Variants in KCMF1 observed in about 807,000 individuals in gnomAD.
KCMF1 encodes the protein E3 ubiquitin-protein ligase KCMF1.
In KCMF1, 3 loss-of-function variants were observed where a neutral mutation model predicts 41.1. The observed-to-expected ratio is 0.07, with a 90% CI of 0.03 to 0.19. The LOEUF (loss-of-function observed/expected upper bound fraction) is 0.19, where lower values mean the gene tolerates loss of function less well. KCMF1 is among the 10% of genes least tolerant of loss of function. The pLI is 1.00. For synonymous variants in KCMF1, 142 were observed against 164.5 expected, an observed-to-expected ratio of 0.86 and a Z score of 1.04; for missense variants, 286 against 488.9, an observed-to-expected ratio of 0.58 and a Z score of 3.91.
chr2:85,037,337 A>G (rs971874197), intron 3 of KCMF1, among the ~76,000 whole-genome samples: 1 of 152,206 alleles, frequency 6.6e-6, no homozygotes, highest in Non-Finnish European at 1.5e-5. Context: ...TCTTTAATAT[A>G]AAAGTACAGG....
Position 84,992,502 on chromosome 2 carries a change from G to A in KCMF1, c.16+21035G>A, listed in dbSNP as rs527436939. Among the ~76,000 whole-genome samples the A allele has an allele frequency of 8.5e-5, 13 of 152,154 alleles. No homozygotes were observed. In the East Asian group the frequency reaches 9.7e-4, roughly 11 times the overall value. Reference sequence around the variant, plus strand: ...AACTCCTGACCTCAGGTGAGCCACCGCGCCTGGCCCGTTTTGGCTCTTAGT... The same window carrying A: ...AACTCCTGACCTCAGGTGAGCCACCACGCCTGGCCCGTTTTGGCTCTTAGT... On this transcript the variant is annotated intron_variant, in intron 1 of 6. Coordinates refer to ENST00000409785, the MANE Select transcript of KCMF1 (RefSeq NM_020122.5).
In KCMF1 at chr2:85,056,143, C is replaced by CT. The variant is rs1321851860; in HGVS notation, c.*2735dup. 1 of 151,662 alleles carries CT rather than the reference C, an allele frequency of 6.6e-6. No individual in the cohort carries two copies. 9.4% of individuals were successfully genotyped at this position (151,662 alleles called of 1,614,324 possible). On this transcript the variant is annotated 3_prime_UTR_variant, in exon 7 of 7. Coordinates refer to ENST00000409785, the MANE Select transcript of KCMF1 (RefSeq NM_020122.5). ...AAAAAAAAATCCACAGAAGTAGAACCTAGGTTTGCTACTAACAAAGTAGTG... is the reference window on the plus strand; with the variant it reads ...AAAAAAAAATCCACAGAAGTAGAACCTTAGGTTTGCTACTAACAAAGTAGTG...
chr2:84,971,572 AGCCCGAGCCGG>A (rs1165308283), intron 1 of KCMF1, 105 bp downstream of exon 1: 4 of 565,290 alleles, frequency 7.1e-6, no homozygotes, highest in Middle Eastern at 7.1e-4. Flanking sequence ...ACTTTGGCCG[AGCCCGAGCCGG>A]GCCCGAGGCG....
At chr2:84,972,521 G>C (rs1411549794) in intron 1 of KCMF1, among the ~76,000 whole-genome samples, 1 of 152,200 alleles carries the variant, frequency 6.6e-6, no homozygotes, top group Non-Finnish European at 1.5e-5. Flanking sequence ...CGAAAAGTTT[G>C]TCCTGCTAAG....
chr2:85,016,988 T>G (rs1453998555), intron 1 of KCMF1, among the ~76,000 whole-genome samples: 2 of 151,498 alleles, frequency 1.3e-5, no homozygotes, highest in Non-Finnish European at 1.5e-5. Context: ...TTTACTTGCT[T>G]TTGTATTCAT....
At chr2:85,042,827 C>T (rs143165762) in intron 3 of KCMF1, among the ~76,000 whole-genome samples, 2,330 of 152,198 alleles carry the variant, frequency 0.015, 29 homozygotes, top group South Asian at 0.063. Flanking sequence ...TAGAAACCAC[C>T]TTCCCAACCT....
chr2:85,029,364 C>T (rs1675205738), intron 2 of KCMF1, among the ~76,000 whole-genome samples: 1 of 152,084 alleles, frequency 6.6e-6, no homozygotes, highest in Non-Finnish European at 1.5e-5. Flanking sequence ...GGTCAGATCA[C>T]TTGAGCCCAG....
chr2:84,981,566 A>C (rs750648665), intron 1 of KCMF1, among the ~76,000 whole-genome samples: 1 of 152,014 alleles, frequency 6.6e-6, no homozygotes, highest in Non-Finnish European at 1.5e-5. Flanking sequence ...AACTTTTTCT[A>C]CAGTAAGAGG....
In KCMF1 at chr2:85,011,494, C is replaced by T. The variant is rs76390451; in HGVS notation, c.17-16395C>T. On this transcript the variant is annotated intron_variant, in intron 1 of 6. Coordinates refer to ENST00000409785, the MANE Select transcript of KCMF1 (RefSeq NM_020122.5). ...TTATTGGACAGTACAGATGTAAAAC[C>T]ATCATTGCAAAAAAGGAAAAACTTG... 3.1e-3 allele frequency among the ~76,000 whole-genome samples: 476 copies of T among 152,188 alleles called. 6 individuals carry two copies. Among genetic ancestry groups the T allele is most frequent in the African/African-American group, 0.011 (448 of 41,538 alleles).
chr2:85,023,823 C>T (rs895807986), intron 1 of KCMF1, among the ~76,000 whole-genome samples: 2 of 152,196 alleles, frequency 1.3e-5, no homozygotes, highest in Non-Finnish European at 2.9e-5. Flanking sequence ...ACACTCCTAC[C>T]AGCAGGGTAT....
At chr2:84,993,632 A>G (rs112569602) in intron 1 of KCMF1, among the ~76,000 whole-genome samples, 2,672 of 150,142 alleles carry the variant, frequency 0.018, 63 homozygotes, top group African/African-American at 0.062. Context: ...CTGGAGTGCA[A>G]TGGTGCAGTC....
intron 1 of KCMF1, among the ~76,000 whole-genome samples, chr2:85,000,880 G>A (rs1356803100): frequency 2.0e-5 from 3 of 150,702 alleles, no homozygotes. Context: ...CTGGGCTCAA[G>A]CAATCCTCCC....
At chr2:85,053,118 A>T in intron 6 of KCMF1, 30 bp from the exon 7 acceptor site, 1 of 1,582,252 alleles carries the variant, frequency 6.3e-7, no homozygotes, top group African/African-American at 1.4e-5. Context: ...ACTTTTTAAC[A>T]ATAAGGTCTT....
At position 85,053,509 on chromosome 2, in the gene KCMF1, T is replaced by C. The variant is rs1675856680; in HGVS notation, c.*100T>C. 1 of 1,166,720 alleles carries C rather than the reference T, an allele frequency of 8.6e-7. No individual in the cohort carries two copies. Among genetic ancestry groups the C allele is most frequent in the Admixed American group, 2.6e-5 (1 of 37,834 alleles). 72.3% of individuals were successfully genotyped at this position (1,166,720 alleles called of 1,614,324 possible). A position where few individuals can be genotyped will look rare whatever the true frequency, so the allele number is the denominator to read the frequency against. On this transcript the variant is annotated 3_prime_UTR_variant, in exon 7 of 7. Transcript: ENST00000409785. Reference sequence around the variant, plus strand: ...TGTTTGGTGATTGTAATTTCAGGTCTGTCACTCTTGTTACATTGTGTACAT... The same window carrying C: ...TGTTTGGTGATTGTAATTTCAGGTCCGTCACTCTTGTTACATTGTGTACAT...
At chr2:85,023,379 C>T (rs1035657363) in intron 1 of KCMF1, among the ~76,000 whole-genome samples, 6 of 127,932 alleles carry the variant, frequency 4.7e-5, no homozygotes, top group African/African-American at 1.2e-4. Flanking sequence ...AGTGCAGTGG[C>T]GCGATCTCAG....
intron 1 of KCMF1, among the ~76,000 whole-genome samples, chr2:84,974,687 ATATATTTTTTTTTTTTTTT>A (rs1288433473): frequency 8.5e-5 from 3 of 35,464 alleles, no homozygotes; most frequent in East Asian, 2.3e-3. Context: ...ATATATATAT[ATATATTTTTTTTTTTTTTT>A]TTTTTTTTTT....
chr2:85,023,696 CAAAAGATTCCCTCCCCGGG>C (rs951556413), intron 1 of KCMF1, among the ~76,000 whole-genome samples: 1 of 152,154 alleles, frequency 6.6e-6, no homozygotes, highest in African/African-American at 2.4e-5. Context: ...TGCACACAGA[CAAAAGATTCCCTCCCCGGG>C]AATTTATTTA....
intron 1 of KCMF1, among the ~76,000 whole-genome samples, chr2:84,990,264 G>T (rs1477768359): frequency 6.6e-6 from 1 of 152,068 alleles, no homozygotes; most frequent in Non-Finnish European, 1.5e-5. Context: ...GGGAAGGAGA[G>T]ATGACAACAG....
At chr2:85,046,069 A>T in intron 4 of KCMF1, 35 bp from the exon 5 acceptor site, 1 of 1,561,626 alleles carries the variant, frequency 6.4e-7, no homozygotes, top group Non-Finnish European at 8.7e-7. Context: ...TCTTTCTGTG[A>T]AATACTTTCG....
Sources: gnomAD v4.1 joint callset for allele counts (sites outside exome capture counted in the v4.1 genomes callset) on GRCh38, gnomAD v4.1.1 for gene constraint, MANE v1.5 for transcripts, NCBI Gene and HGNC (gene_info 2026-07-23, HGNC 2026-07-21) for gene names.